Variants in MACROD2 observed in about 807,000 individuals in gnomAD.
MACROD2 encodes the protein ADP-ribose glycohydrolase MACROD2.
MACROD2 carries 36 observed loss-of-function variants against 70.4 expected under a neutral mutation model. The ratio of observed to expected loss-of-function variants is 0.51; its 90% CI spans 0.39 to 0.68. MACROD2 has a LOEUF of 0.68. Among genes scored for constraint, MACROD2 ranks in the 30% least tolerant of loss-of-function variants. The pLI, the probability that MACROD2 is intolerant of heterozygous loss-of-function variation, is 0.00. For missense variants in MACROD2, 496 were observed against 538.4 expected, an observed-to-expected ratio of 0.92 and a Z score of 0.78; for synonymous variants, 172 against 178.8, an observed-to-expected ratio of 0.96 and a Z score of 0.30.
chr20:14,858,355 A>T (rs1600730643), intron 5 of MACROD2, among the ~76,000 whole-genome samples: 2 of 152,086 alleles, frequency 1.3e-5, no homozygotes, highest in Admixed American at 1.3e-4. Flanking sequence ...TGGACCCCAG[A>T]ATTTCTCGGG....
intron 8 of MACROD2, among the ~76,000 whole-genome samples, chr20:15,806,617 T>C (rs2063771942): frequency 6.6e-6 from 1 of 152,180 alleles, no homozygotes. Flanking sequence ...AGAACAGAGT[T>C]CTCTGAGCTC....
At chr20:15,148,536 C>G (rs461107) in intron 5 of MACROD2, among the ~76,000 whole-genome samples, 58,777 of 151,758 alleles carry the variant, frequency 0.39, 12,486 homozygotes, top group East Asian at 0.64. Context: ...TAAACTGGCA[C>G]TGTAAACAAG....
chr20:14,201,213 A>C (rs1173056422), intron 3 of MACROD2, among the ~76,000 whole-genome samples: 1 of 152,194 alleles, frequency 6.6e-6, no homozygotes, highest in African/African-American at 2.4e-5. Flanking sequence ...GTTAGTAGAA[A>C]AATGTTTCAA....
At chr20:14,266,717 G>T (rs1312613518) in intron 3 of MACROD2, among the ~76,000 whole-genome samples, 3 of 152,152 alleles carry the variant, frequency 2.0e-5, no homozygotes, top group Admixed American at 1.3e-4. Flanking sequence ...TTAAGTCTCA[G>T]AATGGAAAGT....
intron 5 of MACROD2, among the ~76,000 whole-genome samples, chr20:15,073,368 G>A (rs373542418): frequency 9.2e-5 from 14 of 151,876 alleles, no homozygotes; most frequent in African/African-American, 3.4e-4. Flanking sequence ...AAACCCTGTG[G>A]CCTGCCAATT....
At chr20:15,384,566 A>G (rs911933942) in intron 6 of MACROD2, among the ~76,000 whole-genome samples, 1 of 152,192 alleles carries the variant, frequency 6.6e-6, no homozygotes, top group Non-Finnish European at 1.5e-5. Flanking sequence ...AAACCTTTAC[A>G]TATCCTAAGG....
chr20:14,237,238 A>T (rs1232325897), intron 3 of MACROD2, among the ~76,000 whole-genome samples: 1 of 152,088 alleles, frequency 6.6e-6, no homozygotes, highest in African/African-American at 2.4e-5. Context: ...TACAATTATG[A>T]ATACCTGTCG....
At position 14,297,101 on chromosome 20, in the gene MACROD2, A is replaced by G. The variant is rs115999054; in HGVS notation, c.272-196378A>G. Among the ~76,000 whole-genome samples the G allele has an allele frequency of 3.9e-5, 6 of 151,944 alleles. No individual in the cohort carries two copies. The East Asian group carries it at 1.2e-3, about 29-fold the overall frequency. Reference sequence around the variant, plus strand: ...TTGCCGTGAACTGAGCACATATAAGATGGCAAACTTAATCAATAAATGTGT... The same window carrying G: ...TTGCCGTGAACTGAGCACATATAAGGTGGCAAACTTAATCAATAAATGTGT... On this transcript the variant is annotated intron_variant, in intron 3 of 17. Transcript: ENST00000684519.
intron 6 of MACROD2, among the ~76,000 whole-genome samples, chr20:15,259,079 T>C (rs532276271): frequency 6.6e-6 from 1 of 152,134 alleles, no homozygotes; most frequent in Admixed American, 6.6e-5. Context: ...ATTGGTAGGT[T>C]GGACAAAGCT....
intron 2 of MACROD2, among the ~76,000 whole-genome samples, chr20:14,023,472 C>T (rs1473098183): frequency 6.6e-6 from 1 of 152,138 alleles, no homozygotes; most frequent in Non-Finnish European, 1.5e-5. Flanking sequence ...GAAGCCTTTG[C>T]CCATGCCTAT....
chr20:15,223,908 G>A (rs530521390), intron 5 of MACROD2, among the ~76,000 whole-genome samples: 2 of 152,304 alleles, frequency 1.3e-5, no homozygotes, highest in African/African-American at 4.8e-5. Flanking sequence ...TCCCAAGCCT[G>A]TGTTATAAAA....
At chr20:16,022,778 C>A (rs535893414) in intron 15 of MACROD2, among the ~76,000 whole-genome samples, 3 of 152,248 alleles carry the variant, frequency 2.0e-5, no homozygotes, top group Non-Finnish European at 2.9e-5. Flanking sequence ...GTGTGATGTC[C>A]GTTGTTTCCT....
chr20:15,614,139 C>A (rs1262672795), intron 8 of MACROD2, among the ~76,000 whole-genome samples: 1 of 152,148 alleles, frequency 6.6e-6, no homozygotes, highest in Non-Finnish European at 1.5e-5. Flanking sequence ...CCTTAATTAC[C>A]TTAATTACTT....
At chr20:14,662,460 A>G (rs1986273900) in intron 4 of MACROD2, among the ~76,000 whole-genome samples, 1 of 152,194 alleles carries the variant, frequency 6.6e-6, no homozygotes, top group African/African-American at 2.4e-5. Flanking sequence ...ATCAAAAGCA[A>G]TTGCAACAAA....
At chr20:15,238,782 A>G (rs2077035854) in intron 6 of MACROD2, among the ~76,000 whole-genome samples, 1 of 152,166 alleles carries the variant, frequency 6.6e-6, no homozygotes, top group Admixed American at 6.5e-5. Context: ...AAACATCTCA[A>G]TTTGGCTGGA....
intron 5 of MACROD2, among the ~76,000 whole-genome samples, chr20:15,101,254 T>C (rs1227600447): frequency 6.6e-6 from 1 of 152,128 alleles, no homozygotes; most frequent in African/African-American, 2.4e-5. Flanking sequence ...TCTTCATCCA[T>C]GGAGACTGAG....
intron 3 of MACROD2, among the ~76,000 whole-genome samples, chr20:14,147,951 C>T (rs144388645): frequency 4.6e-5 from 7 of 152,100 alleles, no homozygotes; most frequent in African/African-American, 1.7e-4. Flanking sequence ...AGCTTCCCTT[C>T]AAGTTATTAG....
intron 5 of MACROD2, among the ~76,000 whole-genome samples, chr20:14,752,083 CTTT>C (rs11482637): frequency 1.6e-5 from 2 of 126,858 alleles, no homozygotes; most frequent in Non-Finnish European, 3.3e-5. Flanking sequence ...ATCTCCTCAT[CTTT>C]TTTTTTTTTT....
intron 5 of MACROD2, among the ~76,000 whole-genome samples, chr20:14,997,042 A>T (rs2074955910): frequency 6.6e-6 from 1 of 152,128 alleles, no homozygotes; most frequent in South Asian, 2.1e-4. Flanking sequence ...GGTGCACATG[A>T]CCTAGTGAGA....
Sources: allele counts gnomAD v4.1 joint callset (sites outside exome capture counted in the v4.1 genomes callset), GRCh38; gene constraint gnomAD v4.1.1; transcripts MANE v1.5; gene names NCBI Gene and HGNC (gene_info 2026-07-23, HGNC 2026-07-21).